ZNF407: variants seen among roughly 807,000 people sequenced by gnomAD.
The protein encoded by ZNF407 is zinc finger protein 407.
Under a neutral mutation model 131.2 loss-of-function variants are expected in ZNF407, and 17 were observed. The observed-to-expected ratio is 0.13, with a 90% CI of 0.09 to 0.19. The LOEUF (loss-of-function observed/expected upper bound fraction) is 0.19. Ranked by LOEUF, ZNF407 falls within the 10% of genes least tolerant of loss-of-function variation. ZNF407 has a pLI of 1.00. For missense variants in ZNF407, 2,681 were observed against 2,830.6 expected, an observed-to-expected ratio of 0.95 and a Z score of 1.20; for synonymous variants, 1,156 against 1,062.0, an observed-to-expected ratio of 1.09 and a Z score of -1.72.
chr18:74,880,914 C>G, intron 5 of ZNF407, 122 bp from the exon 6 acceptor site: 1 of 826,488 alleles, frequency 1.2e-6, no homozygotes, highest in Non-Finnish European at 2.0e-6. Context: ...AATTTCATTC[C>G]CATTTGACAT....
intron 5 of ZNF407, among the ~76,000 whole-genome samples, chr18:74,879,761 ATAAGAT>A (rs1971213240): frequency 6.6e-6 from 1 of 152,216 alleles, no homozygotes; most frequent in African/African-American, 2.4e-5. Context: ...CCCTTAGGAA[ATAAGAT>A]TAAGCGTAAT....
At chr18:75,049,276 C>G (rs1052614643) in intron 8 of ZNF407, among the ~76,000 whole-genome samples, 9 of 152,218 alleles carry the variant, frequency 5.9e-5, no homozygotes, top group African/African-American at 2.2e-4. Context: ...AGAGCTGAAG[C>G]CAGAGATTGG....
At chr18:74,837,886 T>G (rs570721393) in intron 4 of ZNF407, among the ~76,000 whole-genome samples, 1 of 152,168 alleles carries the variant, frequency 6.6e-6, no homozygotes, top group Non-Finnish European at 1.5e-5. Context: ...ACTCCTGAGC[T>G]CAAGCGACCT....
At chr18:74,773,894 C>G (rs1351482404) in intron 3 of ZNF407, among the ~76,000 whole-genome samples, 8 of 152,180 alleles carry the variant, frequency 5.3e-5, no homozygotes, top group Non-Finnish European at 1.2e-4. Context: ...AGAGTTAGCA[C>G]CCAGGTCTTG....
chr18:74,682,237 TGTTA>T (rs1967001490), intron 3 of ZNF407, among the ~76,000 whole-genome samples: 2 of 152,350 alleles, frequency 1.3e-5, no homozygotes, highest in Admixed American at 6.5e-5. Flanking sequence ...TCCTTGGATG[TGTTA>T]GTTAGCTCTA....
intron 3 of ZNF407, among the ~76,000 whole-genome samples, chr18:74,690,797 T>C (rs1320770921): frequency 1.3e-5 from 2 of 152,242 alleles, no homozygotes; most frequent in Admixed American, 6.5e-5. Context: ...TTAGCCTATT[T>C]TGATTTTTAT....
At chr18:74,677,281 G>A (rs530383829) in intron 3 of ZNF407, among the ~76,000 whole-genome samples, 2 of 152,230 alleles carry the variant, frequency 1.3e-5, no homozygotes, top group Admixed American at 6.5e-5. Context: ...TGTAGACATG[G>A]GGTTTCACCA....
chr18:74,780,756 C>G (rs548168297), intron 3 of ZNF407, among the ~76,000 whole-genome samples: 3 of 152,012 alleles, frequency 2.0e-5, no homozygotes, highest in Non-Finnish European at 4.4e-5. Flanking sequence ...GCACTGTGTT[C>G]AGGGGTAGAA....
chr18:74,887,289 C>T (rs559069286), intron 6 of ZNF407, among the ~76,000 whole-genome samples: 1 of 152,062 alleles, frequency 6.6e-6, no homozygotes, highest in East Asian at 1.9e-4. Flanking sequence ...CAATTTAAGT[C>T]ATTTGACCAG....
At chr18:74,964,231 T>C (rs543975160) in intron 8 of ZNF407, among the ~76,000 whole-genome samples, 51 of 152,322 alleles carry the variant, frequency 3.3e-4, no homozygotes, top group African/African-American at 1.1e-3. Context: ...TGTCTGGCCA[T>C]GTACTAAGCA....
At chr18:74,987,364 T>G (rs1356300166) in intron 8 of ZNF407, among the ~76,000 whole-genome samples, 1 of 152,154 alleles carries the variant, frequency 6.6e-6, no homozygotes, top group Non-Finnish European at 1.5e-5. Flanking sequence ...GTGCAATTAT[T>G]ATTATAGGTC....
intron 3 of ZNF407, among the ~76,000 whole-genome samples, chr18:74,765,828 G>A (rs1010565722): frequency 3.3e-5 from 5 of 152,112 alleles, no homozygotes; most frequent in Non-Finnish European, 7.4e-5. Flanking sequence ...GGCTCTTTGA[G>A]ATCATTGTCT....
chr18:74,715,020 C>T (rs552977553), intron 3 of ZNF407, among the ~76,000 whole-genome samples: 1 of 152,322 alleles, frequency 6.6e-6, no homozygotes, highest in African/African-American at 2.4e-5. Context: ...GGTAGCCCTG[C>T]CTGTCTGCCT....
At chr18:74,927,438 C>T (rs913362283) in intron 8 of ZNF407, among the ~76,000 whole-genome samples, 1 of 152,184 alleles carries the variant, frequency 6.6e-6, no homozygotes, top group Non-Finnish European at 1.5e-5. Flanking sequence ...AATGTAAAAA[C>T]ACCATGGTAA....
intron 1 of ZNF407, among the ~76,000 whole-genome samples, chr18:74,620,307 T>C (rs1983462404): frequency 6.6e-6 from 1 of 152,132 alleles, no homozygotes; most frequent in African/African-American, 2.4e-5. Flanking sequence ...AGGCCAAATT[T>C]GATTTGTTGT....
At chr18:74,850,171 A>AT (rs1970761387) in intron 4 of ZNF407, among the ~76,000 whole-genome samples, 2 of 152,162 alleles carry the variant, frequency 1.3e-5, no homozygotes, top group African/African-American at 4.8e-5. Context: ...TTGCACTTTT[A>AT]TTTTACTAAA....
At chr18:74,954,206 C>A (rs1172407220) in intron 8 of ZNF407, among the ~76,000 whole-genome samples, 1 of 152,162 alleles carries the variant, frequency 6.6e-6, no homozygotes, top group Admixed American at 6.5e-5. Flanking sequence ...ATTTGGCTCA[C>A]TTAAGATAAT....
intron 3 of ZNF407, among the ~76,000 whole-genome samples, chr18:74,690,461 G>A (rs550883448): frequency 1.4e-5 from 2 of 142,478 alleles, no homozygotes; most frequent in South Asian, 4.6e-4. Flanking sequence ...GGTTTTTTTT[G>A]GTGTTTATTA....
Position 74,811,093 on chromosome 18 carries a change from C to T in ZNF407, c.4877+29591C>T, listed in dbSNP as rs979661993. ...ACCATCAGAGTGAACAGGCAACCTA[C>T]AAAATGGGAGAAAATTTTCGCAACC... On this transcript the variant is annotated intron_variant, in intron 4 of 8. Coordinates refer to ENST00000299687, the MANE Select transcript of ZNF407 (RefSeq NM_017757.3). 2.6e-3 allele frequency among the ~76,000 whole-genome samples: 396 copies of T among 152,068 alleles called. 4 individuals are homozygous for T. The highest frequency in any genetic ancestry group is 9.0e-3 in the African/African-American group (374 of 41,514).
Sources: allele counts gnomAD v4.1 joint callset (sites outside exome capture counted in the v4.1 genomes callset), GRCh38; gene constraint gnomAD v4.1.1; transcripts MANE v1.5; gene names NCBI Gene and HGNC (gene_info 2026-07-23, HGNC 2026-07-21).